ANXA8: variants seen among roughly 807,000 people sequenced by gnomAD.
ANXA8 encodes annexin A8, also known as VAC-beta.
Under a neutral mutation model 26.8 loss-of-function variants are expected in ANXA8, and 9 were observed. The ratio of observed to expected loss-of-function variants is 0.34; its 90% CI spans 0.20 to 0.59. The LOEUF is 0.59. Ranked by LOEUF, ANXA8 falls within the 20% of genes least tolerant of loss-of-function variation. ANXA8 has a pLI of 0.84. For synonymous variants in ANXA8, 39 were observed against 94.8 expected, an observed-to-expected ratio of 0.41 and a Z score of 3.42; for missense variants, 83 against 238.5, an observed-to-expected ratio of 0.35 and a Z score of 4.29.
chr10:47,605,852 G>T, the ANXA8 span, among the ~76,000 whole-genome samples: 3 of 136,006 alleles, frequency 2.2e-5, no homozygotes, highest in Non-Finnish European at 4.7e-5. Context: ...ATGAGCACAA[G>T]AAAGCATTAT....
the ANXA8 span, among the ~76,000 whole-genome samples, chr10:47,556,286 C>T: frequency 5.9e-5 from 9 of 152,018 alleles, no homozygotes; most frequent in African/African-American, 2.2e-4. Flanking sequence ...TCTCTTAAGA[C>T]CCATCTCAAA....
the ANXA8 span, among the ~76,000 whole-genome samples, chr10:47,667,989 C>A: frequency 2.0e-5 from 3 of 151,978 alleles, no homozygotes; most frequent in African/African-American, 7.3e-5. Flanking sequence ...CCACTCACTT[C>A]GGCCTCCCAA....
At chr10:47,697,128 G>A in the ANXA8 span, among the ~76,000 whole-genome samples, 2 of 152,048 alleles carry the variant, frequency 1.3e-5, no homozygotes, top group African/African-American at 2.4e-5. Flanking sequence ...AGAAAACAAA[G>A]TAAGGGAAAC....
chr10:47,528,047 A>G, the ANXA8 span, among the ~76,000 whole-genome samples: 1 of 141,464 alleles, frequency 7.1e-6, no homozygotes, highest in Non-Finnish European at 1.5e-5. Context: ...AAGGTTTGGG[A>G]AAAGATCTTT....
the ANXA8 span, among the ~76,000 whole-genome samples, chr10:47,648,370 T>A: frequency 5.3e-5 from 8 of 151,028 alleles, no homozygotes; most frequent in Non-Finnish European, 1.2e-4. Context: ...TCAATTTTTT[T>A]ACCTAATTTT....
At chr10:47,596,499 C>CT in the ANXA8 span, among the ~76,000 whole-genome samples, 1 of 146,940 alleles carries the variant, frequency 6.8e-6, no homozygotes, top group Non-Finnish European at 1.5e-5. Flanking sequence ...AAAGTTGGTT[C>CT]TTTGAAAGTG....
the ANXA8 span, chr10:47,567,940 C>G: frequency 1.5e-6 from 1 of 672,992 alleles, no homozygotes; most frequent in African/African-American, 2.0e-5. Flanking sequence ...CAACCATCAA[C>G]CTTCTCTTTC....
the ANXA8 span, among the ~76,000 whole-genome samples, chr10:47,572,400 A>T: frequency 7.4e-5 from 11 of 148,050 alleles, 1 homozygote; most frequent in African/African-American, 2.5e-4. Context: ...CTTCTGCCTC[A>T]GACCGTGCTC....
At chr10:47,672,614 G>A in the ANXA8 span, among the ~76,000 whole-genome samples, 192 of 151,460 alleles carry the variant, frequency 1.3e-3, no homozygotes, top group African/African-American at 4.5e-3. Context: ...TTAAAAAATG[G>A]GACAAATACA....
chr10:47,702,362 A>T, the ANXA8 span, among the ~76,000 whole-genome samples: 4 of 141,940 alleles, frequency 2.8e-5, no homozygotes, highest in East Asian at 2.0e-4. Flanking sequence ...TTTTTTTGAG[A>T]TGGACTCTTG....
At chr10:47,653,439 G>A in the ANXA8 span, among the ~76,000 whole-genome samples, 51 of 151,516 alleles carry the variant, frequency 3.4e-4, no homozygotes, top group Non-Finnish European at 6.8e-4. Flanking sequence ...GAGATAGTTT[G>A]ATATGAGAGG....
the ANXA8 span, among the ~76,000 whole-genome samples, chr10:47,733,221 C>CTTTCTTTTCTTTT: frequency 1.7e-5 from 1 of 58,190 alleles, no homozygotes; most frequent in African/African-American, 6.5e-5. Flanking sequence ...TTCTTTCTTT[C>CTTTCTTTTCTTTT]TCTTTCTTTC....
the ANXA8 span, among the ~76,000 whole-genome samples, chr10:47,968,591 C>A: frequency 7.2e-6 from 1 of 137,938 alleles, no homozygotes; most frequent in African/African-American, 2.5e-5. Context: ...CCACGACCAC[C>A]ACCAAAGTTT....
chr10:47,589,357 C>T, the ANXA8 span: 1 of 146,654 alleles, frequency 6.8e-6, no homozygotes, highest in East Asian at 1.9e-4. Flanking sequence ...GCTTCAAGCT[C>T]TTTACTTGTC....
the ANXA8 span, among the ~76,000 whole-genome samples, chr10:47,572,795 A>G: frequency 1.3e-5 from 2 of 150,180 alleles, no homozygotes; most frequent in Non-Finnish European, 2.9e-5. Flanking sequence ...ATCCCAATAC[A>G]TTAGTTTTGT....
chr10:47,733,261 T>TTCTTTCTCTTTCTTTCTC, the ANXA8 span, among the ~76,000 whole-genome samples: 1 of 110,968 alleles, frequency 9.0e-6, no homozygotes, highest in South Asian at 2.7e-4. Context: ...CTTTCTTTCT[T>TTCTTTCTCTTTCTTTCTC]TCTTTCTTTC....
At chr10:47,951,474 A>G in the ANXA8 span, among the ~76,000 whole-genome samples, 3 of 150,024 alleles carry the variant, frequency 2.0e-5, no homozygotes, top group Non-Finnish European at 4.4e-5. Context: ...ACTCAGAGAA[A>G]AGATACTACA....
chr10:47,694,543 C>A, the ANXA8 span, among the ~76,000 whole-genome samples: 1 of 151,066 alleles, frequency 6.6e-6, no homozygotes, highest in Non-Finnish European at 1.5e-5. Context: ...GCCTCGGCCT[C>A]CCAAGTAGCT....
chr10:47,530,801 C>T, the ANXA8 span, among the ~76,000 whole-genome samples: 1 of 131,060 alleles, frequency 7.6e-6, no homozygotes, highest in African/African-American at 2.8e-5. Flanking sequence ...CTGTCTCCTT[C>T]TACCTAAGCA....
Sources: gnomAD v4.1 joint callset for allele counts (sites outside exome capture counted in the v4.1 genomes callset) on GRCh38, gnomAD v4.1.1 for gene constraint, MANE v1.5 for transcripts, NCBI Gene and HGNC (gene_info 2026-07-23, HGNC 2026-07-21) for gene names.